The following KMT5C variants were observed in gnomAD, a reference collection of about 807,000 sequenced individuals.
The protein encoded by KMT5C is histone-lysine N-methyltransferase KMT5C.
A neutral mutation model predicts 38.2 loss-of-function variants in KMT5C; 16 were observed. The ratio of observed to expected loss-of-function variants is 0.42; its 90% CI spans 0.28 to 0.64. The LOEUF (loss-of-function observed/expected upper bound fraction) is 0.64, where lower values mean the gene tolerates loss of function less well. KMT5C is among the 30% of genes least tolerant of loss of function. KMT5C has a pLI of 0.23. For missense variants in KMT5C, 598 were observed against 665.1 expected, an observed-to-expected ratio of 0.90 and a Z score of 1.11; for synonymous variants, 291 against 279.0, an observed-to-expected ratio of 1.04 and a Z score of -0.43.
intron 6 of KMT5C, chr19:55,344,484 T>C (rs2089595180): frequency 2.8e-6 from 1 of 356,096 alleles, no homozygotes; most frequent in Non-Finnish European, 5.6e-6. Flanking sequence ...GGGTTCCAGT[T>C]TGGCCAGCGT....
chr19:55,347,766 A>C lies in KMT5C; in HGVS notation c.*317A>C. 3 of 375,638 alleles carry C rather than the reference A, an allele frequency of 8.0e-6. No homozygotes were observed. Among genetic ancestry groups the C allele is most frequent in the Non-Finnish European group, 9.5e-6 (2 of 209,742 alleles). The allele number at this position is 375,638 out of a possible 1,614,324, so 23.3% of individuals were successfully genotyped here. A position where few individuals can be genotyped will look rare whatever the true frequency, so the allele number is the denominator to read the frequency against. ...CTTCCTCCCCAGGGAGCAAAGCCAT[A>C]AGGGGCAGGGGCCACCCCACGGCAT... On this transcript the variant is annotated 3_prime_UTR_variant, in exon 9 of 9. Transcript: ENST00000255613. The surrounding 1 kb of genome is among the most constrained non-coding windows in gnomAD (Gnocchi z 4.6).
At position 55,346,358 on chromosome 19, in the gene KMT5C, G is replaced by A. The variant is rs368982761; in HGVS notation, c.707+9G>A. 4.5e-5 allele frequency: 73 copies of A among 1,613,806 alleles called. No homozygotes were observed. Among genetic ancestry groups the A allele is most frequent in the East Asian group, 4.0e-4 (18 of 44,886 alleles). On this transcript the variant is annotated intron_variant, in intron 7 of 8. Transcript: ENST00000255613. ...TGCCACACCTGTGAGAGGTGGGACCGGGCGAGAGGCGGCTGGGTTCGGGTC... is the reference window on the plus strand; with the variant it reads ...TGCCACACCTGTGAGAGGTGGGACCAGGCGAGAGGCGGCTGGGTTCGGGTC...
chr19:55,345,071 G>A (rs1310351742), intron 6 of KMT5C: 2 of 455,972 alleles, frequency 4.4e-6, no homozygotes, highest in African/African-American at 2.0e-5. Context: ...ACAAAAGGCG[G>A]CATTCGGAGA....
At position 55,343,656 on chromosome 19, in the gene KMT5C, C is replaced by T. The variant is rs374825152; in HGVS notation, c.387-24C>T. The stretch of plus-strand genomic sequence containing the variant: ...GCAGGAGGCCAGGCATCGCCCACAG[C>T]CCTGCCCCCTGGCCTCTTGGCAGGA... On this transcript the variant is annotated intron_variant, in intron 4 of 8. Transcript: ENST00000255613. The surrounding 1 kb of genome is among the most constrained non-coding windows in gnomAD (Gnocchi z 5.5). 3.2e-6 allele frequency: 5 copies of T among 1,550,002 alleles called. No individual in the cohort carries two copies. Among genetic ancestry groups the T allele is most frequent in the Non-Finnish European group, 4.4e-6 (5 of 1,146,882 alleles).
chr19:55,346,073 G>C (rs567086089), intron 6 of KMT5C, 140 bp from the exon 7 acceptor site: 1 of 1,018,542 alleles, frequency 9.8e-7, no homozygotes, highest in Non-Finnish European at 1.4e-6. Context: ...CAGCCGCCTC[G>C]GAATGCCACT....
At chr19:55,342,078 AG>A in intron 2 of KMT5C, 32 bp downstream of exon 2, 1 of 1,588,676 alleles carries the variant, frequency 6.3e-7, no homozygotes. Flanking sequence ...GGTGGGCCCG[AG>A]GGGTCAGGAC....
chr19:55,344,621 G>A (rs1243634993), intron 6 of KMT5C: 3 of 489,886 alleles, frequency 6.1e-6, no homozygotes, highest in East Asian at 1.2e-4. Flanking sequence ...GCAGGGCCCT[G>A]TGGTGGGAGC....
At chr19:55,345,942 C>G in intron 6 of KMT5C, 1 of 516,340 alleles carries the variant, frequency 1.9e-6, no homozygotes. Context: ...GTGGTCACCA[C>G]TGCTGGCACT....
chr19:55,347,483 G>T lies in KMT5C; in HGVS notation c.*34G>T, dbSNP rs2089636260. 6.6e-7 allele frequency: 1 copy of T among 1,508,098 alleles called. No individual in the cohort carries two copies. Among genetic ancestry groups the T allele is most frequent in the South Asian group, 1.3e-5 (1 of 75,614 alleles). 93.4% of individuals were successfully genotyped at this position (1,508,098 alleles called of 1,614,324 possible). A position where few individuals can be genotyped will look rare whatever the true frequency, so the allele number is the denominator to read the frequency against. On this transcript the variant is annotated 3_prime_UTR_variant, in exon 9 of 9. Transcript: ENST00000255613. The surrounding 1 kb of genome is among the most constrained non-coding windows in gnomAD (Gnocchi z 4.6). Reference sequence around the variant, plus strand: ...ACGGGGAGGCCCAGCAGGGAGAGAGGGTCTCTCTCCTAGCTGCTACCCAGG... The same window carrying T: ...ACGGGGAGGCCCAGCAGGGAGAGAGTGTCTCTCTCCTAGCTGCTACCCAGG...
chr19:55,341,627 G>T, intron 1 of KMT5C, 167 bp from the exon 2 acceptor site: 1 of 424,828 alleles, frequency 2.4e-6, no homozygotes, highest in Non-Finnish European at 4.3e-6. Flanking sequence ...TGCATGTGGG[G>T]GTTGTGTGTT....
At chr19:55,340,639 G>A (rs1420494573) in intron 1 of KMT5C, among the ~76,000 whole-genome samples, 1 of 151,646 alleles carries the variant, frequency 6.6e-6, no homozygotes, top group African/African-American at 2.4e-5. Flanking sequence ...CTGGGCCCCT[G>A]TCCGCCCTCT....
intron 6 of KMT5C, 35 bp from the exon 7 acceptor site, chr19:55,346,178 C>G: frequency 1.9e-6 from 3 of 1,612,222 alleles, no homozygotes; most frequent in Non-Finnish European, 2.5e-6. Flanking sequence ...TCCCCTGTGC[C>G]CTGGGCCAGG....
At chr19:55,346,115 A>G (rs2089613289) in intron 6 of KMT5C, 98 bp from the exon 7 acceptor site, 3 of 1,466,036 alleles carry the variant, frequency 2.0e-6, no homozygotes, top group South Asian at 2.4e-5. Context: ...CCATTCCAGG[A>G]GAGGACGCTC....
chr19:55,343,180 G>GCCCCTGCCCCTT lies in KMT5C; in HGVS notation c.386+340_386+341insTCCCCTGCCCCT, dbSNP rs1381514398. The GCCCCTGCCCCTT allele has an allele frequency of 8.4e-6, 3 of 356,522 alleles. No homozygotes were observed. 22.1% of individuals were successfully genotyped at this position (356,522 alleles called of 1,614,324 possible). A position where few individuals can be genotyped will look rare whatever the true frequency, so the allele number is the denominator to read the frequency against. On this transcript the variant is annotated intron_variant, in intron 4 of 8. Coordinates refer to ENST00000255613, the MANE Select transcript of KMT5C (RefSeq NM_032701.4). The surrounding 1 kb of genome is among the most constrained non-coding windows in gnomAD (Gnocchi z 5.5). ...CCCCTGAGTGCAATGAGGAGCCCCT[G>GCCCCTGCCCCTT]CCCCTGCCCCTGCGGGGTTCACAGT...
Position 55,341,947 on chromosome 19 carries a change from A to G in KMT5C, c.11A>G (p.Asp4Gly). Residue 4 changes from aspartate (D) to glycine (G), a missense_variant, in exon 2 of 9, where the codon GAC (aspartate) becomes GGC (glycine). Transcript: ENST00000255613. MGPDRVTARELCEN... is the reference protein window; with the variant it reads MGPGRVTARELCEN... ...GGTCCGCAGGGCACCATGGGGCCCGACAGAGTGACAGCACGAGAACTGTGC... is the reference window on the plus strand; with the variant it reads ...GGTCCGCAGGGCACCATGGGGCCCGGCAGAGTGACAGCACGAGAACTGTGC... 1 of 1,613,336 alleles carries G rather than the reference A, an allele frequency of 6.2e-7. No individual in the cohort carries two copies. Among genetic ancestry groups the G allele is most frequent in the Non-Finnish European group, 8.5e-7 (1 of 1,179,824 alleles).
Position 55,343,933 on chromosome 19 carries a change from G to T in KMT5C, c.551-45G>T, listed in dbSNP as rs370173555. 1 of 1,608,700 alleles carries T rather than the reference G, an allele frequency of 6.2e-7. No individual in the cohort carries two copies. The highest frequency in any genetic ancestry group is 2.2e-5 in the East Asian group (1 of 44,716). Reference sequence around the variant, plus strand: ...GGGAGGGTTCTGCGACTGAGCTGCCGAGCTCATCTACCTCTCTTCTCTCTC... The same window carrying T: ...GGGAGGGTTCTGCGACTGAGCTGCCTAGCTCATCTACCTCTCTTCTCTCTC... On this transcript the variant is annotated intron_variant, in intron 5 of 8. Coordinates refer to ENST00000255613, the MANE Select transcript of KMT5C (RefSeq NM_032701.4). The surrounding 1 kb of genome is among the most constrained non-coding windows in gnomAD (Gnocchi z 5.5).
rs947843789 is a variant in KMT5C at position 55,343,552 on chromosome 19, C to A, written c.387-128C>A. 16 of 886,188 alleles carry A rather than the reference C, an allele frequency of 1.8e-5. No individual in the cohort carries two copies. The highest frequency in any genetic ancestry group is 2.7e-5 in the Non-Finnish European group (16 of 585,644). The allele number at this position is 886,188 out of a possible 1,614,324, so 54.9% of individuals were successfully genotyped here. A position where few individuals can be genotyped will look rare whatever the true frequency, so the allele number is the denominator to read the frequency against. On this transcript the variant is annotated intron_variant, in intron 4 of 8. Transcript: ENST00000255613. The surrounding 1 kb of genome is among the most constrained non-coding windows in gnomAD (Gnocchi z 5.5). ...AGAGGGAGATCTGGAAGATGGATCG[C>A]CAATAGCCAGCACCAGCGCCCAGGA...
chr19:55,340,011 C>G (rs1384408436), intron 1 of KMT5C, 54 bp downstream of exon 1: 1 of 151,966 alleles, frequency 6.6e-6, no homozygotes, highest in Non-Finnish European at 1.5e-5. Context: ...CCCAGCCCCG[C>G]GCCGCCTTGG....
chr19:55,341,836 T>C lies in KMT5C; in HGVS notation c.-101T>C, dbSNP rs2123188152. ...ACCAGCGTCCCCCATGGCTTCTGAG[T>C]AGCGTGGGAGTGGAGTCAGCACCAA... On this transcript the variant is annotated 5_prime_UTR_variant, in exon 2 of 9. An upstream open reading frame in the 5' UTR loses its in-frame stop. Transcript: ENST00000255613. The C allele has an allele frequency of 1.2e-6, 1 of 841,340 alleles. No homozygotes were observed. The highest frequency in any genetic ancestry group is 2.0e-5 in the Admixed American group (1 of 50,726). 52.1% of individuals were successfully genotyped at this position (841,340 alleles called of 1,614,324 possible). A position where few individuals can be genotyped will look rare whatever the true frequency, so the allele number is the denominator to read the frequency against.
Sources: gnomAD v4.1 joint callset for allele counts (sites outside exome capture counted in the v4.1 genomes callset) on GRCh38, gnomAD v4.1.1 for gene constraint, Gnocchi (gnomAD v3.1) non-coding constraint, MANE v1.5 for transcripts, NCBI Gene and HGNC (gene_info 2026-07-23, HGNC 2026-07-21) for gene names.